Variants in AGPAT5 observed in about 807,000 individuals in gnomAD.
AGPAT5 encodes 1-acyl-sn-glycerol-3-phosphate acyltransferase epsilon.
AGPAT5 carries 46 observed loss-of-function variants against 45.6 expected under a neutral mutation model. The ratio of observed to expected loss-of-function variants is 1.01; its 90% confidence interval spans 0.80 to 1.29. The LOEUF (loss-of-function observed/expected upper bound fraction) is 1.29. Ranked by LOEUF, AGPAT5 falls within the 50% of genes most tolerant of loss-of-function variation. The probability of loss-of-function intolerance (pLI) is 0.00; values close to 1 mark genes in which losing one functional copy is unlikely to be tolerated. For missense variants in AGPAT5, 673 were observed against 450.7 expected (o/e 1.49, Z -4.47); for synonymous variants, 272 against 167.0 (o/e 1.63, Z -4.85).
At chr8:6,726,310 C>G (rs968081645) in intron 2 of AGPAT5, among the ~76,000 whole-genome samples, 1 of 152,192 alleles carries the variant, frequency 6.6e-6, no homozygotes, top group African/African-American at 2.4e-5. Flanking sequence ...GGGAATGGCT[C>G]TTGATAGATT....
intron 5 of AGPAT5, chr8:6,746,015 C>G (rs1240021799): frequency 6.6e-5 from 10 of 150,964 alleles, no homozygotes; most frequent in Admixed American, 6.6e-4. Flanking sequence ...CCCTTTCTTC[C>G]TTCCCTCACT....
At chr8:6,748,243 G>T (rs1801544472) in intron 6 of AGPAT5, among the ~76,000 whole-genome samples, 1 of 152,182 alleles carries the variant, frequency 6.6e-6, no homozygotes. Flanking sequence ...AAGAAATGCA[G>T]TTAAGTGTGA....
Position 6,735,959 on chromosome 8 carries a change from A to G in AGPAT5, c.495+3309A>G, listed in dbSNP as rs1349138945. 5.3e-5 allele frequency among the ~76,000 whole-genome samples: 8 copies of G among 149,570 alleles called. No homozygotes were observed. The South Asian group carries it at 1.5e-3, about 28-fold the overall frequency. On this transcript the variant is annotated intron_variant, in intron 4 of 7. Transcript: ENST00000285518. Reference sequence around the variant, plus strand: ...AACCTCTGCCTCACGGGTTCAAGCAATCTCCTGCCTCAGCCTCCTGAGTAG... The same window carrying G: ...AACCTCTGCCTCACGGGTTCAAGCAGTCTCCTGCCTCAGCCTCCTGAGTAG...
At chr8:6,728,209 C>G (rs190544191) in intron 2 of AGPAT5, among the ~76,000 whole-genome samples, 1 of 152,160 alleles carries the variant, frequency 6.6e-6, no homozygotes, top group Non-Finnish European at 1.5e-5. Flanking sequence ...GGCTTGATTG[C>G]CATGGAAGAT....
At chr8:6,735,196 C>T (rs1801006842) in intron 4 of AGPAT5, among the ~76,000 whole-genome samples, 2 of 152,116 alleles carry the variant, frequency 1.3e-5, no homozygotes, top group South Asian at 2.1e-4. Context: ...GAGTATTCAT[C>T]CGTGCCCCAT....
intron 1 of AGPAT5, among the ~76,000 whole-genome samples, chr8:6,720,713 G>C (rs183710324): frequency 6.6e-6 from 1 of 152,198 alleles, no homozygotes; most frequent in African/African-American, 2.4e-5. Context: ...TGACCATGGA[G>C]ACCCTGATGA....
At chr8:6,711,923 C>G (rs1800168116) in intron 1 of AGPAT5, among the ~76,000 whole-genome samples, 1 of 152,184 alleles carries the variant, frequency 6.6e-6, no homozygotes. Context: ...GGGATGATCT[C>G]TTCATCTCAA....
intron 5 of AGPAT5, chr8:6,745,761 T>C (rs1246316566): frequency 6.6e-6 from 1 of 152,082 alleles, no homozygotes; most frequent in Non-Finnish European, 1.5e-5. Flanking sequence ...ATTTCTTGCC[T>C]TTTCATCTTC....
At chr8:6,750,189 T>C (rs1801613644) in intron 6 of AGPAT5, among the ~76,000 whole-genome samples, 1 of 152,250 alleles carries the variant, frequency 6.6e-6, no homozygotes, top group South Asian at 2.1e-4. Flanking sequence ...GCTGTGGCAC[T>C]GATGGCGTGT....
At chr8:6,714,976 G>T (rs1399907703) in intron 1 of AGPAT5, among the ~76,000 whole-genome samples, 1 of 152,110 alleles carries the variant, frequency 6.6e-6, no homozygotes, top group Non-Finnish European at 1.5e-5. Context: ...TTAACTAGAG[G>T]TTGATGTTAG....
chr8:6,718,860 T>C (rs983587429), intron 1 of AGPAT5, among the ~76,000 whole-genome samples: 8 of 152,320 alleles, frequency 5.3e-5, no homozygotes, highest in South Asian at 2.1e-4. Context: ...CAGCAACATA[T>C]AGGCTTATGT....
Position 6,755,362 on chromosome 8 carries a change from T to A in AGPAT5, c.869+188T>A, listed in dbSNP as rs541336685. ...GTACAAATCAGTCTAAAAGAACTTG[T>A]TACAGTGGGCCCATCTACTTGCATT... On this transcript the variant is annotated intron_variant, in intron 7 of 7. Coordinates refer to ENST00000285518, the MANE Select transcript of AGPAT5 (RefSeq NM_018361.5). 2.6e-5 allele frequency among the ~76,000 whole-genome samples: 4 copies of A among 152,372 alleles called. No homozygotes were observed. In the South Asian group the frequency reaches 8.3e-4, roughly 32 times the overall value.
Position 6,723,651 on chromosome 8 carries a change from T to G in AGPAT5, c.220-1219T>G, listed in dbSNP as rs552171071. Among the ~76,000 whole-genome samples, 26 of 152,258 alleles carry G rather than the reference T, an allele frequency of 1.7e-4. 1 individual carries two copies. The highest frequency in any genetic ancestry group is 3.5e-4 in the Non-Finnish European group (24 of 68,050). ...TCTGAACAGATCAAGCTATTGGTAT[T>G]ACTCATTTATGTCATCGATAAACTT... On this transcript the variant is annotated intron_variant, in intron 1 of 7. Transcript: ENST00000285518.
chr8:6,708,851 G>C lies in AGPAT5; in HGVS notation c.183G>C (p.Met61Ile). The change falls in exon 1 of 8, where the codon ATG becomes ATC. Residue 61 changes from methionine to isoleucine, a missense_variant. Transcript: ENST00000285518. ...DDRLYCVYQS[M>I]VLFFFENYTG... is the part of the protein sequence containing the mutation. ...GGCTCTACTGCGTCTACCAGAGCAT[G>C]GTGCTCTTCTTCTTCGAGAATTACA... is the stretch of plus-strand genomic sequence containing the variant. 1.2e-6 allele frequency: 2 copies of C among 1,609,864 alleles called. No homozygotes were observed. Among genetic ancestry groups the C allele is most frequent in the South Asian group, 2.2e-5 (2 of 90,916 alleles).
At position 6,759,650 on chromosome 8, in the gene AGPAT5, C is replaced by A. The variant is rs1444472608; in HGVS notation, c.*2262C>A. 1 of 151,882 alleles carries A rather than the reference C, an allele frequency of 6.6e-6. No homozygotes were observed. The highest frequency in any genetic ancestry group is 2.4e-5 in the African/African-American group (1 of 41,356). The allele number at this position is 151,882 out of a possible 1,614,324, so 9.4% of individuals were successfully genotyped here. On this transcript the variant is annotated 3_prime_UTR_variant, in exon 8 of 8. Coordinates refer to ENST00000285518, the MANE Select transcript of AGPAT5 (RefSeq NM_018361.5). Reference sequence around the variant, plus strand: ...ATGAAAGTAAAAAAAAAAATAAAATCTTTCACTGTCTCTAATGGCTGTGCT... The same window carrying A: ...ATGAAAGTAAAAAAAAAAATAAAATATTTCACTGTCTCTAATGGCTGTGCT...
In AGPAT5 at chr8:6,722,720, A is replaced by G. The variant is rs576721886; in HGVS notation, c.220-2150A>G. 9.2e-5 allele frequency among the ~76,000 whole-genome samples: 14 copies of G among 152,324 alleles called. No individual in the cohort carries two copies. The South Asian group carries it at 2.3e-3, about 25-fold the overall frequency. On this transcript the variant is annotated intron_variant, in intron 1 of 7. Coordinates refer to ENST00000285518, the MANE Select transcript of AGPAT5 (RefSeq NM_018361.5). ...CCTGAAAGCCAGTGTGTGCAAGATAAATAAGTTTTTTTGACGAAAGCAGAA... is the reference window on the plus strand; with the variant it reads ...CCTGAAAGCCAGTGTGTGCAAGATAGATAAGTTTTTTTGACGAAAGCAGAA...
chr8:6,753,591 T>C (rs1801727592), intron 6 of AGPAT5, among the ~76,000 whole-genome samples: 1 of 152,146 alleles, frequency 6.6e-6, no homozygotes, highest in South Asian at 2.1e-4. Context: ...ACTTGCACCC[T>C]TAGGCACAGA....
chr8:6,755,469 A>G (rs948347898), intron 7 of AGPAT5, among the ~76,000 whole-genome samples: 6 of 152,184 alleles, frequency 3.9e-5, no homozygotes, highest in African/African-American at 1.2e-4. Flanking sequence ...AAAACTTTCC[A>G]GTGTCAGATG....
Position 6,761,379 on chromosome 8 carries a change from G to A in AGPAT5, c.*3991G>A, listed in dbSNP as rs2116984451. Reference sequence around the variant, plus strand: ...TATTGAAATTCTGTGTCTCCAGCAGGCAAGAATACTTGACTAACTCTTTTT... The same window carrying A: ...TATTGAAATTCTGTGTCTCCAGCAGACAAGAATACTTGACTAACTCTTTTT... On this transcript the variant is annotated 3_prime_UTR_variant, in exon 8 of 8. Coordinates refer to ENST00000285518, the MANE Select transcript of AGPAT5 (RefSeq NM_018361.5). Among the ~76,000 whole-genome samples, 2 of 152,230 alleles carry A rather than the reference G, an allele frequency of 1.3e-5. No individual in the cohort carries two copies. Among genetic ancestry groups the A allele is most frequent in the Non-Finnish European group, 2.9e-5 (2 of 68,012 alleles).
Sources: gnomAD v4.1 joint callset for allele counts (sites outside exome capture counted in the v4.1 genomes callset) on GRCh38, gnomAD v4.1.1 for gene constraint, MANE v1.5 for transcripts, NCBI Gene and HGNC (gene_info 2026-07-23, HGNC 2026-07-21) for gene names.